Variants in PCNX2 observed in about 807,000 individuals in gnomAD.
PCNX2 encodes the protein pecanex 2.
A neutral mutation model predicts 223.8 loss-of-function variants in PCNX2; 168 were observed. The observed-to-expected ratio is 0.75, with a 90% confidence interval of 0.66 to 0.85. The LOEUF (loss-of-function observed/expected upper bound fraction) is 0.85, where lower values mean the gene tolerates loss of function less well. Ranked by LOEUF, PCNX2 falls within the 40% of genes least tolerant of loss-of-function variation. The pLI is 0.00. For synonymous variants in PCNX2, 1,006 were observed against 1,052.6 expected (o/e 0.96, Z 0.86); for missense variants, 2,507 against 2,675.5 (o/e 0.94, Z 1.39).
chr1:233,108,989 T>G (rs1458027407), intron 21 of PCNX2, among the ~76,000 whole-genome samples: 1 of 152,026 alleles, frequency 6.6e-6, no homozygotes, highest in Non-Finnish European at 1.5e-5. Flanking sequence ...CACTCTGAGG[T>G]GCAGCCTGAA....
chr1:232,999,621 T>C, intron 30 of PCNX2: 1 of 445,346 alleles, frequency 2.2e-6, no homozygotes, highest in Non-Finnish European at 4.0e-6. Flanking sequence ...ACCTGGCTAA[T>C]TTTGTATTTT....
At chr1:233,324,606 T>TA in the PCNX2 span, among the ~76,000 whole-genome samples, 1 of 150,234 alleles carries the variant, frequency 6.7e-6, no homozygotes, top group African/African-American at 2.5e-5. Context: ...AAATTTTTTT[T>TA]TTTTTTTTTT....
chr1:233,170,245 T>C (rs1477302503), intron 17 of PCNX2, among the ~76,000 whole-genome samples: 1 of 152,212 alleles, frequency 6.6e-6, no homozygotes, highest in East Asian at 1.9e-4. Context: ...AAAATGTGTA[T>C]ACTAATTCAC....
At chr1:233,245,469 G>C (rs1339329024) in intron 8 of PCNX2, among the ~76,000 whole-genome samples, 2 of 152,176 alleles carry the variant, frequency 1.3e-5, no homozygotes, top group Non-Finnish European at 2.9e-5. Flanking sequence ...ATCACCTAGG[G>C]GCATCTGGAT....
intron 9 of PCNX2, among the ~76,000 whole-genome samples, chr1:233,235,957 A>ATATATATAT (rs1553319645): frequency 3.7e-4 from 34 of 93,102 alleles, no homozygotes; most frequent in African/African-American, 1.2e-3. Context: ...CATAAAAAAA[A>ATATATATAT]ATATATATAT....
chr1:233,235,100 C>T (rs570475186), intron 9 of PCNX2, among the ~76,000 whole-genome samples: 1 of 151,986 alleles, frequency 6.6e-6, no homozygotes, highest in African/African-American at 2.4e-5. Context: ...CTCTCAGGTC[C>T]ACTTCCACCC....
At chr1:233,176,059 C>T (rs1679457994) in intron 17 of PCNX2, among the ~76,000 whole-genome samples, 1 of 152,170 alleles carries the variant, frequency 6.6e-6, no homozygotes. Context: ...GAGACACAGT[C>T]CTGGCTGGAT....
At chr1:233,145,241 C>T (rs1677374933) in intron 19 of PCNX2, among the ~76,000 whole-genome samples, 1 of 152,118 alleles carries the variant, frequency 6.6e-6, no homozygotes, top group Non-Finnish European at 1.5e-5. Context: ...GTTGGGATTA[C>T]AGCCATGAGC....
At chr1:233,251,481 C>T (rs1331528701) in intron 7 of PCNX2, among the ~76,000 whole-genome samples, 1 of 152,186 alleles carries the variant, frequency 6.6e-6, no homozygotes, top group Non-Finnish European at 1.5e-5. Flanking sequence ...TCAGTTGACA[C>T]AGGAAGCATA....
chr1:233,021,245 G>A (rs954128264), intron 26 of PCNX2, among the ~76,000 whole-genome samples: 5 of 152,116 alleles, frequency 3.3e-5, no homozygotes, highest in South Asian at 2.1e-4. Flanking sequence ...AAACACGGGG[G>A]CACCGTGTTT....
intron 17 of PCNX2, among the ~76,000 whole-genome samples, chr1:233,168,215 T>A (rs1413224800): frequency 6.6e-6 from 1 of 152,072 alleles, no homozygotes; most frequent in African/African-American, 2.4e-5. Flanking sequence ...AATAACACAA[T>A]AATATTGCAG....
intron 25 of PCNX2, among the ~76,000 whole-genome samples, chr1:233,041,372 T>C (rs1671640053): frequency 1.3e-5 from 2 of 152,204 alleles, no homozygotes; most frequent in Non-Finnish European, 2.9e-5. Context: ...TGAGCACTGA[T>C]GTGATGCCGC....
intron 10 of PCNX2, among the ~76,000 whole-genome samples, chr1:233,222,342 C>G (rs1286770226): frequency 6.6e-6 from 1 of 151,048 alleles, no homozygotes; most frequent in African/African-American, 2.4e-5. Flanking sequence ...AATGGGGAGC[C>G]ATTGCTGGGC....
chr1:233,188,704 G>T (rs1680248159), intron 15 of PCNX2, among the ~76,000 whole-genome samples: 1 of 152,108 alleles, frequency 6.6e-6, no homozygotes, highest in African/African-American at 2.4e-5. Context: ...TGTATTTTTA[G>T]TAGAGATGGG....
At chr1:233,265,757 T>C (rs1463974382) in intron 1 of PCNX2, among the ~76,000 whole-genome samples, 1 of 152,026 alleles carries the variant, frequency 6.6e-6, no homozygotes, top group Admixed American at 6.5e-5. Flanking sequence ...TCAAATTAGA[T>C]TAGAGATAAA....
chr1:233,256,971 C>A (rs1429084386), intron 5 of PCNX2, among the ~76,000 whole-genome samples: 1 of 152,188 alleles, frequency 6.6e-6, no homozygotes, highest in African/African-American at 2.4e-5. Flanking sequence ...ACACAACTTT[C>A]AGTCAGCATT....
intron 21 of PCNX2, among the ~76,000 whole-genome samples, chr1:233,097,341 T>TA (rs368356296): frequency 5.2e-4 from 74 of 143,266 alleles, no homozygotes; most frequent in African/African-American, 1.3e-3. Flanking sequence ...AAGGGAGGAT[T>TA]AAAAAAAAAA....
intron 25 of PCNX2, among the ~76,000 whole-genome samples, chr1:233,053,512 T>TG (rs919399735): frequency 6.6e-6 from 1 of 152,210 alleles, no homozygotes; most frequent in African/African-American, 2.4e-5. Flanking sequence ...TGTCTCTCAC[T>TG]GGGGGTAAGC....
At chr1:233,068,587 C>T (rs1348637378) in intron 23 of PCNX2, among the ~76,000 whole-genome samples, 1 of 151,918 alleles carries the variant, frequency 6.6e-6, no homozygotes, top group African/African-American at 2.4e-5. Flanking sequence ...GCAGGGGAAG[C>T]TAAATGGACA....
Sources: allele counts gnomAD v4.1 joint callset (sites outside exome capture counted in the v4.1 genomes callset), GRCh38; gene constraint gnomAD v4.1.1; transcripts MANE v1.5; gene names NCBI Gene and HGNC (gene_info 2026-07-23, HGNC 2026-07-21).